Variants in PREX2 observed in about 807,000 individuals in gnomAD.
PREX2 encodes the protein phosphatidylinositol 3,4,5-trisphosphate-dependent Rac exchanger 2 protein.
Under a neutral mutation model 203.2 loss-of-function variants are expected in PREX2, and 107 were observed. The observed-to-expected ratio is 0.53, with a 90% CI of 0.45 to 0.62. The LOEUF is 0.62. Among genes scored for constraint, PREX2 ranks in the 20% least tolerant of loss-of-function variants. The pLI is 0.00. For missense variants in PREX2, 1,777 were observed against 1,955.9 expected, an observed-to-expected ratio of 0.91 and a Z score of 1.72; for synonymous variants, 672 against 663.6, an observed-to-expected ratio of 1.01 and a Z score of -0.19.
At chr8:68,075,473 C>T (rs1436291042) in intron 14 of PREX2, among the ~76,000 whole-genome samples, 2 of 152,124 alleles carry the variant, frequency 1.3e-5, no homozygotes, top group Admixed American at 6.6e-5. Flanking sequence ...GCGTCATCAC[C>T]CCCAGGAAGC....
In PREX2 at chr8:67,976,466, CAG is replaced by C. The variant is rs577576758; in HGVS notation, c.141+23935_141+23936del. Among the ~76,000 whole-genome samples the C allele has an allele frequency of 2.0e-3, 141 of 70,908 alleles. 8 individuals are homozygous for C. In the South Asian group the frequency reaches 0.065, roughly 33 times the overall value. The allele number at this position is 70,908 out of a possible 152,430, so 46.5% of individuals were successfully genotyped here. ...AGAGAGACAGAGAGAGAGAGAGAGACAGAGACAGAGAGAGAGAGAGGGGAGAG... is the reference window on the plus strand; with the variant it reads ...AGAGAGACAGAGAGAGAGAGAGAGACAGACAGAGAGAGAGAGAGGGGAGAG... On this transcript the variant is annotated intron_variant, in intron 1 of 39. Transcript: ENST00000288368.
intron 35 of PREX2, among the ~76,000 whole-genome samples, chr8:68,178,832 C>G (rs1335849468): frequency 1.3e-5 from 2 of 152,044 alleles, no homozygotes; most frequent in African/African-American, 4.8e-5. Flanking sequence ...GAAGAGATTT[C>G]AAAGCAATTT....
At chr8:68,187,885 T>C (rs1360566629) in intron 35 of PREX2, among the ~76,000 whole-genome samples, 1 of 152,210 alleles carries the variant, frequency 6.6e-6, no homozygotes, top group African/African-American at 2.4e-5. Flanking sequence ...TCTGGCCTGC[T>C]GGACTCTGGA....
At chr8:67,987,919 G>A (rs796722813) in intron 1 of PREX2, among the ~76,000 whole-genome samples, 5,050 of 150,294 alleles carry the variant, frequency 0.034, 248 homozygotes, top group African/African-American at 0.11. Context: ...GGGAGTGTGT[G>A]TGTGTGTGTG....
chr8:67,988,770 C>T (rs551904224), intron 1 of PREX2, among the ~76,000 whole-genome samples: 5 of 152,262 alleles, frequency 3.3e-5, no homozygotes, highest in East Asian at 1.9e-4. Flanking sequence ...TGACAGGTCA[C>T]GCGTACATGA....
intron 38 of PREX2, among the ~76,000 whole-genome samples, chr8:68,221,551 G>C (rs1812953622): frequency 6.6e-6 from 1 of 152,180 alleles, no homozygotes; most frequent in African/African-American, 2.4e-5. Context: ...TAACTAAGAT[G>C]ATATTTGATT....
intron 30 of PREX2, among the ~76,000 whole-genome samples, chr8:68,125,280 A>G (rs1406443935): frequency 6.6e-6 from 1 of 152,108 alleles, no homozygotes. Context: ...ATGAAAGGTT[A>G]GATCTTGGAA....
At chr8:68,011,958 G>A (rs1047975528) in intron 1 of PREX2, among the ~76,000 whole-genome samples, 3 of 152,116 alleles carry the variant, frequency 2.0e-5, no homozygotes, top group Admixed American at 2.0e-4. Context: ...AATAAATTTT[G>A]TAACTTTCAC....
Position 68,121,712 on chromosome 8 carries a change from A to G in PREX2, c.3724+663A>G, listed in dbSNP as rs189181763. On this transcript the variant is annotated intron_variant, in intron 30 of 39. Coordinates refer to ENST00000288368, the MANE Select transcript of PREX2 (RefSeq NM_024870.4). ...AATTCACCTAGTTGTAAAAATATAT[A>G]ACTCAGAAATTTTCTTCCCAGTGAT... Among the ~76,000 whole-genome samples, 694 of 152,230 alleles carry G rather than the reference A, an allele frequency of 4.6e-3. 3 individuals carry two copies. Among genetic ancestry groups the G allele is most frequent in the Middle Eastern group, 6.8e-3 (2 of 294 alleles).
chr8:68,072,987 C>T (rs1244127618), intron 14 of PREX2, among the ~76,000 whole-genome samples: 2 of 151,796 alleles, frequency 1.3e-5, no homozygotes, highest in East Asian at 3.9e-4. Flanking sequence ...TGATAATGAG[C>T]TTTAATGTCT....
In PREX2 at chr8:68,013,945, G is replaced by A. The variant is rs145568170; in HGVS notation, c.142-3901G>A. 1.0e-3 allele frequency among the ~76,000 whole-genome samples: 155 copies of A among 152,258 alleles called. 2 individuals carry two copies. In the Middle Eastern group the frequency reaches 0.014, roughly 13 times the overall value. ...GTATCTAGAATTAAAAGTATAAATT[G>A]TTAAAATCTGCCGGACTTTTGAGAA... is the stretch of plus-strand genomic sequence containing the variant. On this transcript the variant is annotated intron_variant, in intron 1 of 39. Transcript: ENST00000288368.
intron 38 of PREX2, among the ~76,000 whole-genome samples, chr8:68,221,444 A>T (rs926550929): frequency 6.6e-6 from 1 of 152,182 alleles, no homozygotes; most frequent in African/African-American, 2.4e-5. Context: ...GGATAATAAT[A>T]GTACTTGTTT....
intron 35 of PREX2, among the ~76,000 whole-genome samples, chr8:68,191,500 A>T (rs1006307197): frequency 1.3e-5 from 2 of 152,176 alleles, no homozygotes; most frequent in African/African-American, 4.8e-5. Context: ...TAGACAAGTG[A>T]TTTCTCCAAG....
intron 23 of PREX2, 124 bp downstream of exon 23, chr8:68,099,967 A>G (rs1810211553): frequency 1.1e-6 from 1 of 902,322 alleles, no homozygotes; most frequent in Non-Finnish European, 1.8e-6. Flanking sequence ...AGATGATAAC[A>G]TTATATAACA....
intron 39 of PREX2, among the ~76,000 whole-genome samples, chr8:68,225,628 G>A (rs1331688913): frequency 6.6e-6 from 1 of 152,214 alleles, no homozygotes; most frequent in African/African-American, 2.4e-5. Context: ...GGTAGTGAAA[G>A]TGCTTTCAAA....
At chr8:67,959,912 T>C (rs377324681) in intron 1 of PREX2, among the ~76,000 whole-genome samples, 114 of 152,244 alleles carry the variant, frequency 7.5e-4, no homozygotes, top group African/African-American at 2.4e-3. Flanking sequence ...AGCCTCTGTA[T>C]GTCTCAGTTT....
chr8:68,190,281 G>A (rs1209310464), intron 35 of PREX2, among the ~76,000 whole-genome samples: 2 of 152,056 alleles, frequency 1.3e-5, no homozygotes, highest in Non-Finnish European at 2.9e-5. Flanking sequence ...ACATTAAAAT[G>A]TCACATTCTA....
chr8:68,064,785 C>T (rs183965701), intron 11 of PREX2, among the ~76,000 whole-genome samples: 146 of 152,234 alleles, frequency 9.6e-4, no homozygotes, highest in African/African-American at 3.4e-3. Context: ...AGTGGAAATA[C>T]TGTGTAATGA....
chr8:68,170,367 T>C (rs1267711132), intron 35 of PREX2, among the ~76,000 whole-genome samples: 1 of 152,216 alleles, frequency 6.6e-6, no homozygotes, highest in East Asian at 1.9e-4. Context: ...ATGAAAATAG[T>C]TAAAGTTTGC....
Sources: gnomAD v4.1 joint callset for allele counts (sites outside exome capture counted in the v4.1 genomes callset) on GRCh38, gnomAD v4.1.1 for gene constraint, MANE v1.5 for transcripts, NCBI Gene and HGNC (gene_info 2026-07-23, HGNC 2026-07-21) for gene names.